Variants in RNF135 observed in about 807,000 individuals in gnomAD.
The protein encoded by RNF135 is ring finger protein 135.
RNF135 carries 46 observed loss-of-function variants against 41.9 expected under a neutral mutation model. That is an observed-to-expected ratio of 1.10 (90% CI 0.87 to 1.40). The LOEUF is 1.40. RNF135 is among the 40% of genes most tolerant of loss of function. The probability of loss-of-function intolerance (pLI) is 0.00; values close to 1 mark genes in which losing one functional copy is unlikely to be tolerated. For missense variants in RNF135, 539 were observed against 549.8 expected (o/e 0.98, Z 0.20); for synonymous variants, 238 against 223.8 (o/e 1.06, Z -0.57).
intron 3 of RNF135, among the ~76,000 whole-genome samples, chr17:30,993,400 G>A (rs1185482540): frequency 6.6e-6 from 1 of 151,812 alleles, no homozygotes; most frequent in Admixed American, 6.6e-5. Context: ...AGACAGGGAT[G>A]TCACTTTATT....
At chr17:30,989,108 G>T (rs1002634982) in intron 3 of RNF135, among the ~76,000 whole-genome samples, 3 of 149,320 alleles carry the variant, frequency 2.0e-5, no homozygotes, top group Non-Finnish European at 4.5e-5. Context: ...AGTGGCTCAC[G>T]CCTGTAATCC....
chr17:30,999,381 T>C lies in RNF135; in HGVS notation c.*190T>C, dbSNP rs931860192. 2 of 640,428 alleles carry C rather than the reference T, an allele frequency of 3.1e-6. No homozygotes were observed. Among genetic ancestry groups the C allele is most frequent in the African/African-American group, 3.6e-5 (2 of 55,252 alleles). The allele number at this position is 640,428 out of a possible 1,614,324, so 39.7% of individuals were successfully genotyped here. Reference sequence around the variant, plus strand: ...CTCCCACCTCAGCCTCCCAAGGTGCTGGGATTACAGGTGTGAGCCACCACA... The same window carrying C: ...CTCCCACCTCAGCCTCCCAAGGTGCCGGGATTACAGGTGTGAGCCACCACA... On this transcript the variant is annotated 3_prime_UTR_variant, in exon 5 of 5. Coordinates refer to ENST00000328381, the MANE Select transcript of RNF135 (RefSeq NM_032322.4).
rs1026267470 is a variant in RNF135 at position 30,971,060 on chromosome 17, G to T, written c.-14G>T. ...GCTCAACCCCGACGTCCGCGCCCCGGCCGCCTGTTGGCCATGGCGGGCCTG... is the reference window on the plus strand; with the variant it reads ...GCTCAACCCCGACGTCCGCGCCCCGTCCGCCTGTTGGCCATGGCGGGCCTG... On this transcript the variant is annotated 5_prime_UTR_variant, in exon 1 of 5. Coordinates refer to ENST00000328381, the MANE Select transcript of RNF135 (RefSeq NM_032322.4). 1.3e-5 allele frequency: 20 copies of T among 1,533,816 alleles called. 1 individual carries two copies. The highest frequency in any genetic ancestry group is 8.2e-5 in the African/African-American group (6 of 72,962).
chr17:30,970,695 G>A (rs573396171), upstream of RNF135: 48 of 282,420 alleles, frequency 1.7e-4, no homozygotes, highest in African/African-American at 1.0e-3. Flanking sequence ...AGAGTTGTCG[G>A]TGTTGCATCT....
At chr17:30,980,892 C>T (rs1454782902) in intron 1 of RNF135, among the ~76,000 whole-genome samples, 1 of 150,900 alleles carries the variant, frequency 6.6e-6, no homozygotes, top group Admixed American at 6.6e-5. Context: ...GGCAGCCAGG[C>T]AGAGGGGCTC....
intron 1 of RNF135, among the ~76,000 whole-genome samples, chr17:30,978,376 C>T (rs1386845410): frequency 6.6e-6 from 1 of 151,962 alleles, no homozygotes; most frequent in African/African-American, 2.4e-5. Flanking sequence ...TTAGATTTGC[C>T]CCTTTGAGGC....
At chr17:30,983,353 A>ATTTTTTTT (rs1192298651) in intron 1 of RNF135, among the ~76,000 whole-genome samples, 5 of 35,744 alleles carry the variant, frequency 1.4e-4, no homozygotes, top group East Asian at 1.8e-3. Flanking sequence ...ATATATATAT[A>ATTTTTTTT]TTTTTTTTTT....
At chr17:30,979,714 A>T (rs1344943160) in intron 1 of RNF135, among the ~76,000 whole-genome samples, 1 of 37,002 alleles carries the variant, frequency 2.7e-5, no homozygotes, top group Non-Finnish European at 5.4e-5. Flanking sequence ...CGGGGGGCTG[A>T]CCCCCCCCAC....
At chr17:30,959,144 G>A in the RNF135 span, 1 of 152,162 alleles carries the variant, frequency 6.6e-6, no homozygotes, top group Non-Finnish European at 1.5e-5. Flanking sequence ...GGTGTACTCT[G>A]CTAAGTTCTG....
chr17:30,997,976 C>T lies in RNF135; in HGVS notation c.769+645C>T, dbSNP rs8065918. 3.2e-3 allele frequency among the ~76,000 whole-genome samples: 484 copies of T among 152,336 alleles called. 2 individuals are homozygous for T. The highest frequency in any genetic ancestry group is 0.011 in the African/African-American group (452 of 41,570). The stretch of plus-strand genomic sequence containing the variant: ...TACAAAGTGAGTAAGACATGGTCCT[C>T]AATCAGGAAGTTTCAGTTTAACTGG... On this transcript the variant is annotated intron_variant, in intron 4 of 4. Coordinates refer to ENST00000328381, the MANE Select transcript of RNF135 (RefSeq NM_032322.4).
intron 1 of RNF135, among the ~76,000 whole-genome samples, chr17:30,980,452 C>A: frequency 7.3e-6 from 1 of 136,786 alleles, no homozygotes. Context: ...GGCGGCCGGG[C>A]AGAGGAGCCC....
chr17:30,983,353 A>ATTTTTTTTTTTTTTTTT (rs1192298651), intron 1 of RNF135, among the ~76,000 whole-genome samples: 1 of 35,744 alleles, frequency 2.8e-5, no homozygotes, highest in African/African-American at 9.1e-5. Flanking sequence ...ATATATATAT[A>ATTTTTTTTTTTTTTTTT]TTTTTTTTTT....
At chr17:30,966,677 T>C (rs1905565129), upstream of RNF135, among the ~76,000 whole-genome samples, 1 of 150,664 alleles carries the variant, frequency 6.6e-6, no homozygotes, top group East Asian at 1.9e-4. Context: ...TTTTTTTTTT[T>C]TGTATTTTTA....
chr17:30,987,864 A>G (rs1907698103), intron 2 of RNF135, 80 bp from the exon 3 acceptor site: 2 of 1,334,450 alleles, frequency 1.5e-6, no homozygotes, highest in African/African-American at 2.9e-5. Context: ...ATTATAGATG[A>G]ATAGAAAAAC....
chr17:30,967,291 A>G (rs979688349), upstream of RNF135, among the ~76,000 whole-genome samples: 1 of 152,112 alleles, frequency 6.6e-6, no homozygotes, highest in African/African-American at 2.4e-5. Flanking sequence ...TGGCCTCTCA[A>G]AGTGCTGGGA....
At chr17:30,997,765 T>C (rs1247404243) in intron 4 of RNF135, among the ~76,000 whole-genome samples, 10 of 152,154 alleles carry the variant, frequency 6.6e-5, no homozygotes, top group Non-Finnish European at 1.5e-4. Flanking sequence ...AGCTGTGTGA[T>C]CTTGGGCAAG....
chr17:30,985,945 T>C (rs1313793816), intron 2 of RNF135, among the ~76,000 whole-genome samples: 1 of 152,084 alleles, frequency 6.6e-6, no homozygotes, highest in Non-Finnish European at 1.5e-5. Context: ...CATGGAATGC[T>C]CTCCTTTCCC....
upstream of RNF135, among the ~76,000 whole-genome samples, chr17:30,966,357 T>C (rs1334326277): frequency 6.7e-6 from 1 of 149,132 alleles, no homozygotes; most frequent in Non-Finnish European, 1.5e-5. Context: ...ATTTTTATTT[T>C]ATTTATTTAT....
At chr17:30,971,540 C>T in intron 1 of RNF135, 95 bp downstream of exon 1, 1 of 1,384,572 alleles carries the variant, frequency 7.2e-7, no homozygotes, top group South Asian at 1.6e-5. Context: ...CTCAGCCGTT[C>T]TACTTTTACG....
Sources: allele counts gnomAD v4.1 joint callset (sites outside exome capture counted in the v4.1 genomes callset), GRCh38; gene constraint gnomAD v4.1.1; transcripts MANE v1.5; gene names NCBI Gene and HGNC (gene_info 2026-07-23, HGNC 2026-07-21).